The following TENT5D variants were observed in gnomAD, a reference collection of about 807,000 sequenced individuals.
The protein encoded by TENT5D is terminal nucleotidyltransferase 5D.
For synonymous variants in TENT5D, 103 were observed against 100.6 expected, an observed-to-expected ratio of 1.02 and a Z score of -0.15; for missense variants, 191 against 287.0, an observed-to-expected ratio of 0.67 and a Z score of 2.42.
At position 80,393,939 on chromosome X, in the gene TENT5D, T is replaced by G. The variant is rs1235439393; in HGVS notation, c.-141-44671T>G. On this transcript the variant is annotated intron_variant, in intron 3 of 4. Coordinates refer to the TENT5D transcript ENST00000538312. ...ATTCCATTATTTATATATACCATAT[T>G]TTTTACCCACTCATTGATGGATGAA... 2.7e-5 allele frequency among the ~76,000 whole-genome samples: 3 copies of G among 112,128 alleles called. No individual in the cohort carries two copies. The Admixed American group carries it at 2.8e-4, about 11-fold the overall frequency.
At chrX:80,350,014 G>A (rs893702884) in intron 3 of TENT5D, among the ~76,000 whole-genome samples, 2 of 111,404 alleles carry the variant, frequency 1.8e-5, no homozygotes, top group Non-Finnish European at 3.8e-5. Flanking sequence ...TGGTCTGAGA[G>A]GCTGTTATGA....
intron 2 of TENT5D, among the ~76,000 whole-genome samples, chrX:80,440,471 T>G (rs1417663364): frequency 1.8e-5 from 2 of 110,847 alleles, no homozygotes; most frequent in African/African-American, 6.5e-5. Flanking sequence ...AATTTTTTTT[T>G]AGTTAAGTCT....
intron 2 of TENT5D, among the ~76,000 whole-genome samples, chrX:80,336,189 T>C (rs911282108): frequency 9.9e-5 from 11 of 111,439 alleles, no homozygotes; most frequent in Non-Finnish European, 1.7e-4. Flanking sequence ...CGAATTTTTT[T>C]CCCATCTTTA....
intron 3 of TENT5D, among the ~76,000 whole-genome samples, chrX:80,405,265 T>TA (rs2147548043): frequency 8.9e-6 from 1 of 112,561 alleles, no homozygotes; most frequent in East Asian, 2.8e-4. Context: ...GATGGCCGAA[T>TA]AGGAACAGCT....
chrX:80,366,276 C>T (rs1418667973), intron 3 of TENT5D, among the ~76,000 whole-genome samples: 1 of 106,369 alleles, frequency 9.4e-6, no homozygotes, highest in African/African-American at 3.4e-5. Flanking sequence ...TATTATGAAG[C>T]CTTAATTATA....
intron 3 of TENT5D, among the ~76,000 whole-genome samples, chrX:80,412,171 G>A (rs190627391): frequency 4.4e-3 from 493 of 112,862 alleles, no homozygotes; most frequent in Admixed American, 5.2e-3. Context: ...GTCACAGCTC[G>A]AGCTGTACGT....
intron 3 of TENT5D, among the ~76,000 whole-genome samples, chrX:80,362,092 C>A (rs1930417831): frequency 9.0e-6 from 1 of 111,545 alleles, no homozygotes; most frequent in South Asian, 3.8e-4. Flanking sequence ...ATTTGGTTTT[C>A]TGTTCCTGCA....
Position 80,408,441 on chromosome X carries a change from A to G in TENT5D, c.-141-30169A>G, listed in dbSNP as rs1462112838. On this transcript the variant is annotated intron_variant, in intron 3 of 4. Coordinates refer to the TENT5D transcript ENST00000538312. ...ATCACCACAGATCCCACAGAAATACAAACTACCATCAGAGAATACTACAAA... is the reference window on the plus strand; with the variant it reads ...ATCACCACAGATCCCACAGAAATACGAACTACCATCAGAGAATACTACAAA... Among the ~76,000 whole-genome samples, 9 of 110,493 alleles carry G rather than the reference A, an allele frequency of 8.1e-5. No individual in the cohort carries two copies. In the East Asian group the frequency reaches 2.6e-3, roughly 31 times the overall value.
chrX:80,396,767 C>G (rs1390528562), intron 3 of TENT5D, among the ~76,000 whole-genome samples: 1 of 99,937 alleles, frequency 1.0e-5, no homozygotes, highest in Non-Finnish European at 2.0e-5. Flanking sequence ...TCATCATGGC[C>G]CGTTCTCAAT....
At chrX:80,395,916 C>A (rs1931231403) in intron 3 of TENT5D, among the ~76,000 whole-genome samples, 2 of 106,029 alleles carry the variant, frequency 1.9e-5, no homozygotes, top group Admixed American at 2.1e-4. Context: ...AGATGAACTT[C>A]TTTTTAGCTT....
At chrX:80,346,457 A>G (rs1328916089) in intron 3 of TENT5D, among the ~76,000 whole-genome samples, 9 of 111,960 alleles carry the variant, frequency 8.0e-5, no homozygotes, top group Non-Finnish European at 1.7e-4. Flanking sequence ...TCTTACCAGC[A>G]CTATACAAGA....
At chrX:80,376,296 G>T (rs1283324752) in intron 3 of TENT5D, among the ~76,000 whole-genome samples, 3 of 111,110 alleles carry the variant, frequency 2.7e-5, no homozygotes, top group African/African-American at 9.8e-5. Context: ...CAGTATTTCT[G>T]TTTTCTATCA....
At chrX:80,390,714 A>C (rs1931107295) in intron 3 of TENT5D, among the ~76,000 whole-genome samples, 1 of 111,281 alleles carries the variant, frequency 9.0e-6, no homozygotes, top group Admixed American at 9.6e-5. Flanking sequence ...AAATTGTGAT[A>C]ATGGAGGAAT....
intron 3 of TENT5D, among the ~76,000 whole-genome samples, chrX:80,405,593 G>A (rs771967163): frequency 3.6e-5 from 4 of 112,186 alleles, no homozygotes; most frequent in African/African-American, 1.3e-4. Flanking sequence ...CACCTGGCTC[G>A]GAGGGTCCTA....
At chrX:80,351,600 T>C (rs1214738390) in intron 3 of TENT5D, among the ~76,000 whole-genome samples, 4 of 110,213 alleles carry the variant, frequency 3.6e-5, no homozygotes, top group African/African-American at 1.3e-4. Flanking sequence ...AACATGCTCC[T>C]TTAGCTCAAA....
chrX:80,425,803 C>T (rs1318325566), intron 1 of TENT5D, among the ~76,000 whole-genome samples: 4 of 111,264 alleles, frequency 3.6e-5, no homozygotes, highest in African/African-American at 1.3e-4. Context: ...CTGAGGTAGG[C>T]GGATTACAAG....
chrX:80,370,925 A>T (rs1930613438), intron 3 of TENT5D, among the ~76,000 whole-genome samples: 1 of 112,378 alleles, frequency 8.9e-6, no homozygotes, highest in Non-Finnish European at 1.9e-5. Context: ...AGGAAACCAG[A>T]GGAGGAAACA....
chrX:80,403,396 G>A (rs73223481), intron 3 of TENT5D, among the ~76,000 whole-genome samples: 13,395 of 111,061 alleles, frequency 0.12, 903 homozygotes, highest in East Asian at 0.49. Context: ...GCATTTTCTC[G>A]CAGTTTTTAC....
chrX:80,407,149 C>A (rs1205227151), intron 3 of TENT5D, among the ~76,000 whole-genome samples: 1 of 108,455 alleles, frequency 9.2e-6, no homozygotes, highest in African/African-American at 3.4e-5. Flanking sequence ...CAAAATCATG[C>A]CAAAATGTAA....
Sources: allele counts gnomAD v4.1 joint callset (sites outside exome capture counted in the v4.1 genomes callset), GRCh38; gene constraint gnomAD v4.1.1; transcripts MANE v1.5; gene names NCBI Gene and HGNC (gene_info 2026-07-23, HGNC 2026-07-21).